The following KLHL29 variants were observed in gnomAD, a reference collection of about 807,000 sequenced individuals.
The protein encoded by KLHL29 is kelch like family member 29.
Under a neutral mutation model 80.4 loss-of-function variants are expected in KLHL29, and 21 were observed. The observed-to-expected ratio is 0.26, with a 90% CI of 0.19 to 0.38. The LOEUF is 0.38. KLHL29 is among the 10% of genes least tolerant of loss of function. The pLI, the probability that KLHL29 is intolerant of heterozygous loss-of-function variation, is 1.00. For synonymous variants in KLHL29, 511 were observed against 526.8 expected (o/e 0.97, Z 0.41); for missense variants, 867 against 1,223.9 (o/e 0.71, Z 4.35).
rs113695953 is a variant in KLHL29, at chr2:23,519,624, G to A, written c.-45-42528G>A. Among the ~76,000 whole-genome samples, 924 of 152,272 alleles carry A rather than the reference G, an allele frequency of 6.1e-3. 10 individuals carry two copies. The highest frequency in any genetic ancestry group is 0.021 in the African/African-American group (854 of 41,556). On this transcript the variant is annotated intron_variant, in intron 2 of 13. Transcript: ENST00000486442. ...TCGGTGAATTTAGAAAGTTTATTTT[G>A]CCAAGTTGAGGACTCGCCTGTGACA...
At chr2:23,685,997 GGC>G (rs1382201900) in intron 6 of KLHL29, among the ~76,000 whole-genome samples, 40 of 152,344 alleles carry the variant, frequency 2.6e-4, no homozygotes, top group African/African-American at 8.9e-4. Context: ...GCCCTCGGAT[GGC>G]TTTCAGAGAC....
chr2:23,477,763 G>A (rs1015097173), intron 2 of KLHL29, among the ~76,000 whole-genome samples: 1 of 152,134 alleles, frequency 6.6e-6, no homozygotes, highest in African/African-American at 2.4e-5. Context: ...TGGCATCCCC[G>A]CTCCTACACG....
intron 5 of KLHL29, among the ~76,000 whole-genome samples, chr2:23,674,210 G>A (rs1021067940): frequency 6.6e-5 from 10 of 152,116 alleles, no homozygotes; most frequent in African/African-American, 1.9e-4. Flanking sequence ...CTCTGCACAC[G>A]TGCCGATTTC....
chr2:23,586,233 T>C (rs1668114216), intron 3 of KLHL29, among the ~76,000 whole-genome samples: 1 of 152,110 alleles, frequency 6.6e-6, no homozygotes, highest in Non-Finnish European at 1.5e-5. Context: ...TTCAGGGGTG[T>C]TTTGTACATT....
chr2:23,472,460 C>A (rs1370930923), intron 1 of KLHL29, among the ~76,000 whole-genome samples: 1 of 152,122 alleles, frequency 6.6e-6, no homozygotes, highest in Non-Finnish European at 1.5e-5. Flanking sequence ...ATGATGAAAC[C>A]CTGTCTCTAC....
chr2:23,558,232 C>T (rs1362467945), intron 2 of KLHL29, among the ~76,000 whole-genome samples: 1 of 152,114 alleles, frequency 6.6e-6, no homozygotes, highest in Non-Finnish European at 1.5e-5. Flanking sequence ...AGGATCCAAC[C>T]CTAGGGATGC....
chr2:23,623,100 C>T (rs770854749), intron 3 of KLHL29, among the ~76,000 whole-genome samples: 5 of 152,162 alleles, frequency 3.3e-5, no homozygotes, highest in Non-Finnish European at 7.3e-5. Flanking sequence ...GTGGACCCAG[C>T]GTGCAGGGGA....
At position 23,707,905 on chromosome 2, in the gene KLHL29, A is replaced by T. The variant is rs1013795540; in HGVS notation, c.*1241A>T. The T allele has an allele frequency of 2.6e-5, 4 of 152,302 alleles. No homozygotes were observed. The highest frequency in any genetic ancestry group is 2.6e-4 in the Admixed American group (4 of 15,286). 9.4% of individuals were successfully genotyped at this position (152,302 alleles called of 1,614,324 possible). On this transcript the variant is annotated 3_prime_UTR_variant, in exon 14 of 14. Coordinates refer to ENST00000486442, the MANE Select transcript of KLHL29 (RefSeq NM_052920.2). ...AAAGGGAAGCCAGGAGGGAGGTCAC[A>T]CCATGGCTCAAAAGGGAAAGGCCTT...
At chr2:23,394,656 G>A (rs1167593737) in intron 1 of KLHL29, among the ~76,000 whole-genome samples, 2 of 152,210 alleles carry the variant, frequency 1.3e-5, no homozygotes, top group African/African-American at 4.8e-5. Context: ...AAAATCATAT[G>A]TTTAGCCACA....
intron 3 of KLHL29, among the ~76,000 whole-genome samples, chr2:23,576,194 G>T (rs1374310608): frequency 1.3e-5 from 2 of 151,878 alleles, no homozygotes; most frequent in African/African-American, 2.4e-5. Context: ...AATCTCAGCT[G>T]CTTGGGAGGC....
chr2:23,422,383 C>G (rs1662841962), intron 1 of KLHL29, among the ~76,000 whole-genome samples: 1 of 149,282 alleles, frequency 6.7e-6, no homozygotes, highest in Non-Finnish European at 1.5e-5. Flanking sequence ...CTGTGTGTGT[C>G]TCTGTATTTT....
intron 1 of KLHL29, among the ~76,000 whole-genome samples, chr2:23,466,417 T>C (rs1210242015): frequency 6.6e-6 from 1 of 152,266 alleles, no homozygotes; most frequent in Admixed American, 6.5e-5. Context: ...TGATATGTAG[T>C]ATTTTTATTT....
At chr2:23,402,638 T>C (rs192901583) in intron 1 of KLHL29, among the ~76,000 whole-genome samples, 114 of 152,330 alleles carry the variant, frequency 7.5e-4, no homozygotes, top group African/African-American at 2.5e-3. Context: ...CAGGTGTGTT[T>C]GGGCACTGCA....
At position 23,498,152 on chromosome 2, in the gene KLHL29, A is replaced by T. The variant is rs180794498; in HGVS notation, c.-46+22485A>T. On this transcript the variant is annotated intron_variant, in intron 2 of 13. Coordinates refer to ENST00000486442, the MANE Select transcript of KLHL29 (RefSeq NM_052920.2). ...CCAGCATACAATATAATATTATCCTATACACTGACAGTGAACACCATCCTA... is the reference window on the plus strand; with the variant it reads ...CCAGCATACAATATAATATTATCCTTTACACTGACAGTGAACACCATCCTA... Among the ~76,000 whole-genome samples, 16 of 152,296 alleles carry T rather than the reference A, an allele frequency of 1.1e-4. No individual in the cohort carries two copies. In the East Asian group the frequency reaches 3.1e-3, roughly 29 times the overall value.
intron 2 of KLHL29, among the ~76,000 whole-genome samples, chr2:23,542,790 A>C (rs1666873209): frequency 1.3e-5 from 2 of 152,186 alleles, no homozygotes; most frequent in Middle Eastern, 3.4e-3. Flanking sequence ...AGATGATCTC[A>C]TAGCAGCCAC....
intron 3 of KLHL29, among the ~76,000 whole-genome samples, chr2:23,610,719 G>T (rs1447325145): frequency 6.6e-6 from 1 of 152,256 alleles, no homozygotes; most frequent in African/African-American, 2.4e-5. Flanking sequence ...TATGCAGAAA[G>T]CCTGGGTCCT....
At chr2:23,413,777 G>A (rs533272844) in intron 1 of KLHL29, among the ~76,000 whole-genome samples, 1 of 152,190 alleles carries the variant, frequency 6.6e-6, no homozygotes, top group African/African-American at 2.4e-5. Context: ...TCTGAAGGTG[G>A]CATCGATGGC....
intron 1 of KLHL29, among the ~76,000 whole-genome samples, chr2:23,436,269 G>A (rs1449787049): frequency 1.2e-4 from 17 of 146,736 alleles, no homozygotes; most frequent in Non-Finnish European, 2.2e-4. Context: ...GAAGTAAATA[G>A]CCAATCAGCT....
intron 5 of KLHL29, among the ~76,000 whole-genome samples, chr2:23,670,913 A>ACGCACG (rs1670704988): frequency 6.5e-5 from 1 of 15,412 alleles, no homozygotes; most frequent in Admixed American, 1.1e-3. Context: ...ACACACATGC[A>ACGCACG]CGCGCTCTCT....
Sources: gnomAD v4.1 joint callset for allele counts (sites outside exome capture counted in the v4.1 genomes callset) on GRCh38, gnomAD v4.1.1 for gene constraint, MANE v1.5 for transcripts, NCBI Gene and HGNC (gene_info 2026-07-23, HGNC 2026-07-21) for gene names.